The following MTR variants were observed in gnomAD, a reference collection of about 807,000 sequenced individuals.
MTR encodes the protein 5-methyltetrahydrofolate-homocysteine methyltransferase.
In MTR, 84 loss-of-function variants were observed where a neutral mutation model predicts 154.8. That is an observed-to-expected ratio of 0.54 (90% CI 0.45 to 0.65). The LOEUF is 0.65. MTR is among the 30% of genes least tolerant of loss of function. MTR has a pLI of 0.00. For missense variants in MTR, 1,275 were observed against 1,570.2 expected (o/e 0.81, Z 3.18); for synonymous variants, 554 against 553.9 (o/e 1.00, Z 0.00).
chr1:236,843,664 A>G (rs763548659), intron 15 of MTR, among the ~76,000 whole-genome samples: 25 of 152,334 alleles, frequency 1.6e-4, no homozygotes, highest in Non-Finnish European at 3.1e-4. Context: ...GCAAAAGAGG[A>G]TGTTAAAAGT....
rs1662309365 is a variant in MTR, at chr1:236,826,727, C to T, written c.928-102C>T. 4.6e-6 allele frequency: 4 copies of T among 874,150 alleles called. 1 individual carries two copies. Among genetic ancestry groups the T allele is most frequent in the South Asian group, 4.1e-5 (3 of 73,938 alleles). 54.1% of individuals were successfully genotyped at this position (874,150 alleles called of 1,614,324 possible). A position where few individuals can be genotyped will look rare whatever the true frequency, so the allele number is the denominator to read the frequency against. On this transcript the variant is annotated intron_variant, in intron 10 of 32. Coordinates refer to ENST00000366577, the MANE Select transcript of MTR (RefSeq NM_000254.3). Reference sequence around the variant, plus strand: ...TGTTTGACTCTCTTTTTAGTATAGTCTTAGTTATTCAGGAAGTATAGACGG... The same window carrying T: ...TGTTTGACTCTCTTTTTAGTATAGTTTTAGTTATTCAGGAAGTATAGACGG...
chr1:236,804,912 AT>A (rs569621594), intron 2 of MTR, among the ~76,000 whole-genome samples: 34 of 144,482 alleles, frequency 2.4e-4, no homozygotes, highest in East Asian at 4.0e-4. Flanking sequence ...GTATCATTCT[AT>A]TTTTTTTTTT....
intron 22 of MTR, among the ~76,000 whole-genome samples, chr1:236,869,960 A>C (rs1198920688): frequency 6.6e-6 from 1 of 152,150 alleles, no homozygotes; most frequent in African/African-American, 2.4e-5. Flanking sequence ...CCTTCCATAC[A>C]TAGTACACTG....
At position 236,816,550 on chromosome 1, in the gene MTR, G is replaced by A; in HGVS notation, c.764+7G>A. ...CTCATGGAGAACCACTCTGGTGAGT[G>A]ATCCATCTTTCTGTAACTTCTTTTC... On this transcript the variant is annotated splice_region_variant and intron_variant, in intron 8 of 32. Transcript: ENST00000366577. 6.2e-7 allele frequency: 1 copy of A among 1,610,970 alleles called. No individual in the cohort carries two copies. Among genetic ancestry groups the A allele is most frequent in the Non-Finnish European group, 8.5e-7 (1 of 1,177,076 alleles).
chr1:236,852,621 T>G lies in MTR; in HGVS notation c.1796T>G (p.Leu599Arg). Residue 599 changes from leucine (L) to arginine (R), a missense_variant, in exon 17 of 33, where the codon CTT (leucine) becomes CGT (arginine). Leu to Arg is a moderately radical substitution (Grantham distance 102, BLOSUM62 -2). Coordinates refer to ENST00000366577, the MANE Select transcript of MTR (RefSeq NM_000254.3). ...AIREAMHGVF[L>R]YHAIKSGMDM... Reference sequence around the variant, plus strand: ...CGAGAAGCAATGCATGGGGTTTTCCTTTACCATGCAATCAAGGTATGGTAG... The same window carrying G: ...CGAGAAGCAATGCATGGGGTTTTCCGTTACCATGCAATCAAGGTATGGTAG... 1 of 1,613,478 alleles carries G rather than the reference T, an allele frequency of 6.2e-7. No homozygotes were observed. The highest frequency in any genetic ancestry group is 8.5e-7 in the Non-Finnish European group (1 of 1,179,418).
intron 24 of MTR, among the ~76,000 whole-genome samples, chr1:236,880,151 G>A (rs139961364): frequency 9.9e-5 from 15 of 152,126 alleles, no homozygotes; most frequent in Non-Finnish European, 1.8e-4. Context: ...ACAGAGCTCC[G>A]TCTCAAAAAA....
intron 30 of MTR, chr1:236,894,827 T>A (rs1185153894): frequency 2.0e-6 from 1 of 503,130 alleles, no homozygotes; most frequent in African/African-American, 1.9e-5. Context: ...ACCTTATCTC[T>A]GTTGTCTCTC....
At position 236,897,643 on chromosome 1, in the gene MTR, A is replaced by G. The variant is rs1666739282; in HGVS notation, c.3797A>G (p.Ter1266=). 1 of 1,604,182 alleles carries G rather than the reference A, an allele frequency of 6.2e-7. No homozygotes were observed. The highest frequency in any genetic ancestry group is 1.7e-5 in the Admixed American group (1 of 59,350). Reference sequence around the variant, plus strand: ...CCCATTTTGGGATATGATACAGACTAACTTTTTTTTTTTTTTTGCCTTTTT... The same window carrying G: ...CCCATTTTGGGATATGATACAGACTGACTTTTTTTTTTTTTTTGCCTTTTT... ...LGPILGYDTD[*] Residue 1266 remains the stop codon, a stop_retained_variant, in exon 33 of 33, where the codon TAA becomes TGA. Coordinates refer to ENST00000366577, the MANE Select transcript of MTR (RefSeq NM_000254.3).
intron 3 of MTR, 54 bp from the exon 4 acceptor site, chr1:236,808,650 T>C: frequency 6.6e-7 from 1 of 1,522,886 alleles, no homozygotes; most frequent in Non-Finnish European, 9.1e-7. Context: ...GAATCCATTA[T>C]TTATTGTGCG....
At chr1:236,857,572 T>C (rs1664278196) in intron 18 of MTR, among the ~76,000 whole-genome samples, 1 of 152,240 alleles carries the variant, frequency 6.6e-6, no homozygotes, top group Non-Finnish European at 1.5e-5. Flanking sequence ...AAAATCAGTC[T>C]TTGTGTAGCA....
Position 236,877,614 on chromosome 1 carries a change from G to A in MTR, c.2594+2768G>A, listed in dbSNP as rs568733434. ...TCAATGTAGTATTCCATTGTATAAT[G>A]TGCTGTGACTTATTTACTCTTGCTA... On this transcript the variant is annotated intron_variant, in intron 24 of 32. Coordinates refer to ENST00000366577, the MANE Select transcript of MTR (RefSeq NM_000254.3). Among the ~76,000 whole-genome samples the A allele has an allele frequency of 3.3e-5, 5 of 152,000 alleles. No individual in the cohort carries two copies. In the South Asian group the frequency reaches 1.0e-3, roughly 32 times the overall value.
chr1:236,877,461 C>T (rs560582803), intron 24 of MTR, among the ~76,000 whole-genome samples: 3 of 152,300 alleles, frequency 2.0e-5, no homozygotes, highest in South Asian at 2.1e-4. Flanking sequence ...TGTCACCATA[C>T]GTTGGTTTTG....
At chr1:236,799,118 GT>G (rs397961276) in intron 1 of MTR, among the ~76,000 whole-genome samples, 144 of 147,298 alleles carry the variant, frequency 9.8e-4, no homozygotes, top group South Asian at 2.4e-3. Flanking sequence ...AGGAAACTAT[GT>G]TTTTTTTTTT....
At chr1:236,872,308 G>T (rs1443051852) in intron 22 of MTR, among the ~76,000 whole-genome samples, 2 of 152,120 alleles carry the variant, frequency 1.3e-5, no homozygotes, top group Admixed American at 6.5e-5. Context: ...CTGTTCTCCT[G>T]TGTGCCCATC....
At chr1:236,827,291 C>T (rs1196272332) in intron 11 of MTR, among the ~76,000 whole-genome samples, 1 of 152,192 alleles carries the variant, frequency 6.6e-6, no homozygotes, top group South Asian at 2.1e-4. Context: ...AAATACATTT[C>T]TGTTATTTAA....
intron 12 of MTR, among the ~76,000 whole-genome samples, chr1:236,830,439 A>T (rs1407815665): frequency 2.6e-5 from 4 of 152,216 alleles, no homozygotes; most frequent in Non-Finnish European, 5.9e-5. Context: ...ATATGTAAGA[A>T]TAAAAGAATT....
In MTR at chr1:236,862,277, C is replaced by T. The variant is rs1664587469; in HGVS notation, c.2238C>T (p.His746=). Residue 746 remains histidine (H), a synonymous_variant, in exon 21 of 33, where the codon CAC becomes CAT. Coordinates refer to ENST00000366577, the MANE Select transcript of MTR (RefSeq NM_000254.3). ...SARVMKKAVG[H]LIPFMEKERE... ...GGGTTATGAAGAAGGCTGTTGGCCA[C>T]CTTATCCCTTTCATGGAAAAAGAAA... 6.2e-7 allele frequency: 1 copy of T among 1,613,988 alleles called. No individual in the cohort carries two copies.
chr1:236,875,728 T>TA (rs1453620013), intron 24 of MTR, among the ~76,000 whole-genome samples: 1 of 152,246 alleles, frequency 6.6e-6, no homozygotes, highest in Non-Finnish European at 1.5e-5. Flanking sequence ...GGTCTGGTTA[T>TA]AGGTATGCAA....
At chr1:236,879,047 T>C (rs903822261) in intron 24 of MTR, among the ~76,000 whole-genome samples, 10 of 152,278 alleles carry the variant, frequency 6.6e-5, no homozygotes, top group Non-Finnish European at 1.3e-4. Context: ...GTCTGTCTTA[T>C]GAGTTTTTAG....
Sources: gnomAD v4.1 joint callset for allele counts (sites outside exome capture counted in the v4.1 genomes callset) on GRCh38, gnomAD v4.1.1 for gene constraint, MANE v1.5 for transcripts, NCBI Gene and HGNC (gene_info 2026-07-23, HGNC 2026-07-21) for gene names.